MGAT4C: variants seen among roughly 807,000 people sequenced by gnomAD.
MGAT4C encodes the protein MGAT4 family member C.
In MGAT4C, 19 loss-of-function variants were observed where a neutral mutation model predicts 40.1. That is an observed-to-expected ratio of 0.47 (90% CI 0.33 to 0.70). The LOEUF (loss-of-function observed/expected upper bound fraction) is 0.70, where lower values mean the gene tolerates loss of function less well. Among genes scored for constraint, MGAT4C ranks in the 30% least tolerant of loss-of-function variants. The probability of loss-of-function intolerance (pLI) is 0.02; values close to 1 mark genes in which losing one functional copy is unlikely to be tolerated. For synonymous variants in MGAT4C, 181 were observed against 187.1 expected, an observed-to-expected ratio of 0.97 and a Z score of 0.27; for missense variants, 491 against 563.2, an observed-to-expected ratio of 0.87 and a Z score of 1.30.
intron 1 of MGAT4C, among the ~76,000 whole-genome samples, chr12:86,162,998 G>C (rs554841167): frequency 6.6e-6 from 1 of 152,048 alleles, no homozygotes; most frequent in Non-Finnish European, 1.5e-5. Flanking sequence ...TACCCACATA[G>C]AGCCTCTGAT....
At chr12:86,718,906 G>A (rs1040719467) in intron 2 of MGAT4C, among the ~76,000 whole-genome samples, 1 of 151,230 alleles carries the variant, frequency 6.6e-6, no homozygotes, top group Non-Finnish European at 1.5e-5. Context: ...GTGTCAAAAA[G>A]TTTGGGGACC....
intron 3 of MGAT4C, among the ~76,000 whole-genome samples, chr12:86,431,741 C>T (rs1957043193): frequency 6.6e-6 from 1 of 152,126 alleles, no homozygotes; most frequent in African/African-American, 2.4e-5. Flanking sequence ...CAGCTTGCTG[C>T]TGCTTCCCTG....
At chr12:86,035,547 G>C (rs532240781) in intron 2 of MGAT4C, among the ~76,000 whole-genome samples, 1 of 150,078 alleles carries the variant, frequency 6.7e-6, no homozygotes, top group South Asian at 2.1e-4. Context: ...TATGGTGATA[G>C]TTTCTTTTGC....
intron 2 of MGAT4C, among the ~76,000 whole-genome samples, chr12:86,600,113 C>T (rs1397956437): frequency 6.6e-6 from 1 of 152,088 alleles, no homozygotes; most frequent in Non-Finnish European, 1.5e-5. Flanking sequence ...GCTAAGGGAA[C>T]GTCACCTTCT....
At chr12:86,754,653 G>A (rs1374999996) in intron 1 of MGAT4C, among the ~76,000 whole-genome samples, 2 of 152,046 alleles carry the variant, frequency 1.3e-5, no homozygotes, top group African/African-American at 2.4e-5. Flanking sequence ...TTATTGTAGA[G>A]TAAGAAGTTA....
In MGAT4C at chr12:85,960,715, A is replaced by G. The variant is rs896921139; in HGVS notation, c.*18574T>C. ...GCTGAAGGAAATGATGGCATGAACAACTCTAGATAATTTTTGTTTATTTGG... is the reference window on the plus strand; with the variant it reads ...GCTGAAGGAAATGATGGCATGAACAGCTCTAGATAATTTTTGTTTATTTGG... On this transcript the variant is annotated 3_prime_UTR_variant, in exon 5 of 5. Transcript: ENST00000611864. The G allele has an allele frequency of 6.6e-6, 1 of 151,742 alleles. No individual in the cohort carries two copies. Among genetic ancestry groups the G allele is most frequent in the African/African-American group, 2.4e-5 (1 of 41,352 alleles). 9.4% of individuals were successfully genotyped at this position (151,742 alleles called of 1,614,324 possible).
At chr12:86,188,906 T>C (rs1415041501) in intron 1 of MGAT4C, among the ~76,000 whole-genome samples, 1 of 151,892 alleles carries the variant, frequency 6.6e-6, no homozygotes, top group African/African-American at 2.4e-5. Context: ...ATAAATAATA[T>C]AAATAAGTTT....
At chr12:86,461,927 C>G (rs991212632) in intron 2 of MGAT4C, among the ~76,000 whole-genome samples, 1 of 152,114 alleles carries the variant, frequency 6.6e-6, no homozygotes, top group African/African-American at 2.4e-5. Context: ...TCCTTTATTT[C>G]TTTTTGTAAC....
chr12:86,365,552 GA>G (rs1955573446), intron 3 of MGAT4C, among the ~76,000 whole-genome samples: 1 of 152,274 alleles, frequency 6.6e-6, no homozygotes, highest in Admixed American at 6.5e-5. Context: ...ACAAGCATAA[GA>G]AATTATAAAA....
chr12:86,538,065 C>T (rs1035793052), intron 2 of MGAT4C, among the ~76,000 whole-genome samples: 9 of 151,906 alleles, frequency 5.9e-5, no homozygotes, highest in Non-Finnish European at 8.8e-5. Flanking sequence ...CCAGCCTGGG[C>T]AACAGAGCAA....
chr12:86,479,954 AAG>A (rs1957905447), intron 2 of MGAT4C, among the ~76,000 whole-genome samples: 1 of 151,836 alleles, frequency 6.6e-6, no homozygotes, highest in Non-Finnish European at 1.5e-5. Flanking sequence ...TAACTTTGGA[AAG>A]AGAAAGGATC....
intron 1 of MGAT4C, among the ~76,000 whole-genome samples, chr12:86,164,214 T>C (rs1885929846): frequency 6.6e-6 from 1 of 152,186 alleles, no homozygotes; most frequent in African/African-American, 2.4e-5. Flanking sequence ...TTTAAGAGAC[T>C]TATGTCTACC....
At chr12:86,347,558 AT>A (rs1298686430) in intron 3 of MGAT4C, among the ~76,000 whole-genome samples, 2 of 152,206 alleles carry the variant, frequency 1.3e-5, no homozygotes, top group Admixed American at 1.3e-4. Flanking sequence ...AATTACTCAT[AT>A]CCCTAGGAAC....
chr12:86,026,464 A>G (rs549571438), intron 2 of MGAT4C, among the ~76,000 whole-genome samples: 1 of 151,856 alleles, frequency 6.6e-6, no homozygotes, highest in Admixed American at 6.6e-5. Flanking sequence ...GCACAAATAG[A>G]TTCACTTTAT....
Position 85,963,909 on chromosome 12 carries a change from C to T in MGAT4C, c.*15380G>A, listed in dbSNP as rs577318689. On this transcript the variant is annotated 3_prime_UTR_variant, in exon 5 of 5. Transcript: ENST00000611864. ...TATGCATACACAAAAGAGTAAGCAA[C>T]AGGATACTTCAAGAGTAAAATGGGA... 27 of 152,022 alleles carry T rather than the reference C, an allele frequency of 1.8e-4. 2 individuals carry two copies. The East Asian group carries it at 5.2e-3, about 29-fold the overall frequency. The allele number at this position is 152,022 out of a possible 1,614,324, so 9.4% of individuals were successfully genotyped here. A position where few individuals can be genotyped will look rare whatever the true frequency, so the allele number is the denominator to read the frequency against.
chr12:86,457,661 T>C (rs887447267), intron 2 of MGAT4C, among the ~76,000 whole-genome samples: 1 of 152,126 alleles, frequency 6.6e-6, no homozygotes, highest in African/African-American at 2.4e-5. Flanking sequence ...AGCATGTTAA[T>C]TTATTGAGCA....
intron 2 of MGAT4C, among the ~76,000 whole-genome samples, chr12:86,634,583 G>A (rs1963158765): frequency 6.6e-6 from 1 of 152,058 alleles, no homozygotes; most frequent in Admixed American, 6.6e-5. Context: ...ATGGTTAGCT[G>A]AATTCAGTGT....
intron 2 of MGAT4C, among the ~76,000 whole-genome samples, chr12:86,559,095 A>G (rs986555840): frequency 6.6e-6 from 1 of 151,964 alleles, no homozygotes; most frequent in African/African-American, 2.4e-5. Flanking sequence ...AAAAAAAAGA[A>G]AAAGATTATC....
rs183132070 is a variant in MGAT4C at position 86,813,539 on chromosome 12, C to G, written c.-262+25127G>C. On this transcript the variant is annotated intron_variant, in intron 1 of 7. Coordinates refer to the MGAT4C transcript ENST00000548651. ...ATGCATATGCAATGTATATGTGTTTCTAGGCTATAATTTTATGGTAATATA... is the reference window on the plus strand; with the variant it reads ...ATGCATATGCAATGTATATGTGTTTGTAGGCTATAATTTTATGGTAATATA... Among the ~76,000 whole-genome samples the G allele has an allele frequency of 2.6e-5, 4 of 151,984 alleles. No individual in the cohort carries two copies. In the East Asian group the frequency reaches 7.8e-4, roughly 30 times the overall value.
Sources: allele counts gnomAD v4.1 joint callset (sites outside exome capture counted in the v4.1 genomes callset), GRCh38; gene constraint gnomAD v4.1.1; transcripts MANE v1.5; gene names NCBI Gene and HGNC (gene_info 2026-07-23, HGNC 2026-07-21).